The following PIAS1 variants were observed in gnomAD, a reference collection of about 807,000 sequenced individuals.
PIAS1 encodes the protein E3 SUMO-protein ligase PIAS1.
PIAS1 carries 6 observed loss-of-function variants against 71.3 expected under a neutral mutation model. The observed-to-expected ratio is 0.08, with a 90% CI of 0.05 to 0.17. The LOEUF (loss-of-function observed/expected upper bound fraction) is 0.17, where lower values mean the gene tolerates loss of function less well. Ranked by LOEUF, PIAS1 falls within the 10% of genes least tolerant of loss-of-function variation. PIAS1 has a pLI of 1.00. For synonymous variants in PIAS1, 303 were observed against 292.9 expected (o/e 1.03, Z -0.35); for missense variants, 555 against 793.6 (o/e 0.70, Z 3.61).
At chr15:68,117,665 G>T (rs146884731) in intron 2 of PIAS1, among the ~76,000 whole-genome samples, 1 of 152,232 alleles carries the variant, frequency 6.6e-6, no homozygotes, top group African/African-American at 2.4e-5. Flanking sequence ...AGGTTTATCC[G>T]TGTTGCCACA....
chr15:68,146,567 G>A lies in PIAS1; in HGVS notation c.695G>A (p.Gly232Asp). The change falls in exon 6 of 14, where the codon GGT becomes GAT. Residue 232 changes from glycine to aspartate, a missense_variant and splice_region_variant. Physicochemically the swap from Gly to Asp is moderately conservative, Grantham distance 94. Transcript: ENST00000249636. ...KVNTKPCSLPGYLPPTKNGVE... is the reference protein window; with the variant it reads ...KVNTKPCSLPDYLPPTKNGVE... ...AAATAAATTACATTTCATTTTTAGG[G>A]TTACCTTCCACCTACAAAAAATGGC... The A allele has an allele frequency of 6.2e-7, 1 of 1,609,400 alleles. No homozygotes were observed. The highest frequency in any genetic ancestry group is 8.5e-7 in the Non-Finnish European group (1 of 1,176,744).
At chr15:68,133,165 A>G (rs2092699134) in intron 2 of PIAS1, among the ~76,000 whole-genome samples, 1 of 152,036 alleles carries the variant, frequency 6.6e-6, no homozygotes, top group Admixed American at 6.6e-5. Flanking sequence ...GTTTTAGGGT[A>G]TTCTATGAAT....
intron 1 of PIAS1, among the ~76,000 whole-genome samples, chr15:68,061,911 T>C (rs1294818926): frequency 6.6e-6 from 1 of 152,208 alleles, no homozygotes; most frequent in Non-Finnish European, 1.5e-5. Context: ...TTTGCGTCTT[T>C]TTGTTGGCTG....
intron 1 of PIAS1, among the ~76,000 whole-genome samples, chr15:68,080,134 ATT>A (rs1234737518): frequency 6.6e-6 from 1 of 152,064 alleles, no homozygotes; most frequent in Non-Finnish European, 1.5e-5. Context: ...GCCTGGCTGG[ATT>A]TGTTATTTTT....
intron 8 of PIAS1, among the ~76,000 whole-genome samples, chr15:68,166,230 G>T (rs1042526437): frequency 6.6e-6 from 1 of 151,438 alleles, no homozygotes; most frequent in Non-Finnish European, 1.5e-5. Context: ...AAAATATTTT[G>T]ACTCCAGGCT....
chr15:68,143,921 A>C (rs2092789583), intron 4 of PIAS1, among the ~76,000 whole-genome samples: 1 of 152,116 alleles, frequency 6.6e-6, no homozygotes, highest in African/African-American at 2.4e-5. Flanking sequence ...GACTAAAATA[A>C]AGTTTAAAAA....
chr15:68,146,821 A>T, intron 6 of PIAS1, 121 bp downstream of exon 6: 3 of 778,432 alleles, frequency 3.9e-6, no homozygotes, highest in South Asian at 2.0e-5. Flanking sequence ...TTTTTGTCTC[A>T]CAATGAATTT....
intron 2 of PIAS1, among the ~76,000 whole-genome samples, chr15:68,092,078 A>G (rs2092336117): frequency 6.6e-6 from 1 of 152,200 alleles, no homozygotes; most frequent in Non-Finnish European, 1.5e-5. Flanking sequence ...CTCAGGCAAT[A>G]TATCTGAATA....
At chr15:68,055,830 GT>G in intron 1 of PIAS1, 3 of 679,686 alleles carry the variant, frequency 4.4e-6, no homozygotes, top group South Asian at 1.6e-5. Flanking sequence ...ATTCTGTAGA[GT>G]TTTTCCTGTG....
intron 2 of PIAS1, among the ~76,000 whole-genome samples, chr15:68,140,847 AG>A (rs2092765336): frequency 6.6e-6 from 1 of 152,192 alleles, no homozygotes; most frequent in Non-Finnish European, 1.5e-5. Context: ...AATAACTCTT[AG>A]TGATCATTTT....
At chr15:68,134,480 C>T (rs2092706207) in intron 2 of PIAS1, among the ~76,000 whole-genome samples, 1 of 53,658 alleles carries the variant, frequency 1.9e-5, no homozygotes, top group African/African-American at 4.0e-5. Context: ...GGCGGCTGGC[C>T]GGGCGGGGGG....
intron 7 of PIAS1, among the ~76,000 whole-genome samples, chr15:68,164,341 A>G (rs2141077301): frequency 6.6e-6 from 1 of 152,286 alleles, no homozygotes; most frequent in Admixed American, 6.5e-5. Context: ...TGTCCTCGAA[A>G]GTAGAAGAGC....
intron 12 of PIAS1, 99 bp downstream of exon 12, chr15:68,181,453 G>A: frequency 8.6e-7 from 1 of 1,161,710 alleles, no homozygotes; most frequent in Admixed American, 2.0e-5. Context: ...CTGGAAGACT[G>A]AGCCAACAGG....
chr15:68,054,538 T>G lies in PIAS1; in HGVS notation c.24+188T>G, dbSNP rs2140945792. Reference sequence around the variant, plus strand: ...CCTGCGGCGGGCCGCGGGCCCCGGGTGCCTCGGGGGCGCTGACGGGTCGTC... The same window carrying G: ...CCTGCGGCGGGCCGCGGGCCCCGGGGGCCTCGGGGGCGCTGACGGGTCGTC... On this transcript the variant is annotated intron_variant, in intron 1 of 13. Transcript: ENST00000249636. The surrounding 1 kb of genome is among the most constrained non-coding windows in gnomAD (Gnocchi z 4.6). 9 of 501,026 alleles carry G rather than the reference T, an allele frequency of 1.8e-5. No homozygotes were observed. The highest frequency in any genetic ancestry group is 4.1e-5 in the Admixed American group (1 of 24,402). The allele number at this position is 501,026 out of a possible 1,614,324, so 31.0% of individuals were successfully genotyped here.
At chr15:68,070,291 C>T (rs773184059) in intron 1 of PIAS1, among the ~76,000 whole-genome samples, 37 of 152,156 alleles carry the variant, frequency 2.4e-4, no homozygotes, top group Admixed American at 5.9e-4. Context: ...ATGGATAGGG[C>T]ATGACAACAT....
At position 68,176,516 on chromosome 15, in the gene PIAS1, A is replaced by G; in HGVS notation, c.1343A>G (p.His448Arg). 2.5e-6 allele frequency: 4 copies of G among 1,612,072 alleles called. No homozygotes were observed. Among genetic ancestry groups the G allele is most frequent in the Non-Finnish European group, 3.4e-6 (4 of 1,179,158 alleles). Reference sequence around the variant, plus strand: ...TTGGAGCATCAGGTAGCGTCTCACCACCAGTCCTCAAATAAAAACAAGAAA... The same window carrying G: ...TTGGAGCATCAGGTAGCGTCTCACCGCCAGTCCTCAAATAAAAACAAGAAA... ...STLEHQVASH[H>R]QSSNKNKKVE... The change falls in exon 11 of 14, where the codon CAC (histidine) becomes CGC (arginine). Residue 448 changes from histidine to arginine, a missense_variant. His to Arg is a conservative substitution (Grantham distance 29). Coordinates refer to ENST00000249636, the MANE Select transcript of PIAS1 (RefSeq NM_016166.3).
At chr15:68,063,155 G>A (rs1271487498) in intron 1 of PIAS1, among the ~76,000 whole-genome samples, 1 of 152,062 alleles carries the variant, frequency 6.6e-6, no homozygotes, top group Non-Finnish European at 1.5e-5. Flanking sequence ...TGGAATGCAG[G>A]GTCTTTATGC....
At chr15:68,184,531 A>G (rs77248480) in intron 13 of PIAS1, 2 of 152,374 alleles carry the variant, frequency 1.3e-5, no homozygotes, top group Admixed American at 1.3e-4. Flanking sequence ...ACCCAACTAC[A>G]GTGTTAAATG....
In PIAS1 at chr15:68,187,189, G is replaced by A. The variant is rs2093093482; in HGVS notation, c.1663-353G>A. ...GTCATATTGACTGATAGATTTCTTGGCTAAGTATCTCCTTACTAGCAAGAG... is the reference window on the plus strand; with the variant it reads ...GTCATATTGACTGATAGATTTCTTGACTAAGTATCTCCTTACTAGCAAGAG... On this transcript the variant is annotated intron_variant, in intron 13 of 13. Coordinates refer to ENST00000249636, the MANE Select transcript of PIAS1 (RefSeq NM_016166.3). This position sits in a 1 kb window ranked among gnomAD's most constrained non-coding sequence, Gnocchi z 5.3. Among the ~76,000 whole-genome samples the A allele has an allele frequency of 6.6e-6, 1 of 152,158 alleles. No individual in the cohort carries two copies. Among genetic ancestry groups the A allele is most frequent in the African/African-American group, 2.4e-5 (1 of 41,438 alleles).
Sources: gnomAD v4.1 joint callset for allele counts (sites outside exome capture counted in the v4.1 genomes callset) on GRCh38, gnomAD v4.1.1 for gene constraint, Gnocchi (gnomAD v3.1) non-coding constraint, MANE v1.5 for transcripts, NCBI Gene and HGNC (gene_info 2026-07-23, HGNC 2026-07-21) for gene names.